The following KIAA1217 variants were observed in gnomAD, a reference collection of about 807,000 sequenced individuals.
KIAA1217 encodes the protein KIAA1217, also known as sickle tail protein homolog.
Under a neutral mutation model 163.9 loss-of-function variants are expected in KIAA1217, and 88 were observed. That is an observed-to-expected ratio of 0.54 (90% confidence interval 0.45 to 0.64). KIAA1217 has a LOEUF of 0.64. KIAA1217 is among the 30% of genes least tolerant of loss of function. KIAA1217 has a pLI of 0.00. For synonymous variants in KIAA1217, 903 were observed against 923.1 expected, an observed-to-expected ratio of 0.98 and a Z score of 0.39; for missense variants, 2,372 against 2,475.0, an observed-to-expected ratio of 0.96 and a Z score of 0.88.
chr10:24,196,273 C>T (rs938727979), intron 2 of KIAA1217, among the ~76,000 whole-genome samples: 2 of 152,320 alleles, frequency 1.3e-5, no homozygotes, highest in East Asian at 1.9e-4. Context: ...CCACCCAACG[C>T]GCAGTGTCTC....
At chr10:24,431,474 C>G (rs1302716429) in intron 3 of KIAA1217, among the ~76,000 whole-genome samples, 2 of 152,112 alleles carry the variant, frequency 1.3e-5, no homozygotes, top group African/African-American at 4.8e-5. Context: ...CTGGCATCAG[C>G]TGGGGTAGCT....
intron 1 of KIAA1217, among the ~76,000 whole-genome samples, chr10:23,707,816 A>T (rs2130726012): frequency 6.6e-6 from 1 of 152,310 alleles, no homozygotes; most frequent in African/African-American, 2.4e-5. Flanking sequence ...TCCTTCAAGA[A>T]GGAAATGTCA....
intron 2 of KIAA1217, chr10:24,158,710 G>A: frequency 2.0e-6 from 1 of 505,436 alleles, no homozygotes; most frequent in Non-Finnish European, 4.0e-6. Flanking sequence ...AGCATACAAA[G>A]ATTCTACTAG....
chr10:24,364,508 T>G (rs909993445), intron 2 of KIAA1217, among the ~76,000 whole-genome samples: 4 of 152,062 alleles, frequency 2.6e-5, no homozygotes, highest in Non-Finnish European at 4.4e-5. Context: ...TGAGAAAACT[T>G]ATGTGTGATT....
At chr10:24,048,741 A>T (rs56407148) in intron 2 of KIAA1217, among the ~76,000 whole-genome samples, 6,271 of 148,974 alleles carry the variant, frequency 0.042, 384 homozygotes, top group African/African-American at 0.14. Flanking sequence ...AAAAAAAAAA[A>T]AAATATATTG....
At chr10:23,736,435 A>G (rs979788789) in intron 1 of KIAA1217, among the ~76,000 whole-genome samples, 6 of 152,138 alleles carry the variant, frequency 3.9e-5, no homozygotes, top group Admixed American at 6.5e-5. Context: ...TGAGAGACTC[A>G]GTGTTTACAT....
At chr10:24,156,568 C>T (rs1030931780) in intron 2 of KIAA1217, among the ~76,000 whole-genome samples, 5 of 152,182 alleles carry the variant, frequency 3.3e-5, no homozygotes, top group Admixed American at 2.0e-4. Flanking sequence ...CAAGACTCAC[C>T]TGCCAACATC....
intron 2 of KIAA1217, among the ~76,000 whole-genome samples, chr10:24,367,803 G>T (rs966296374): frequency 2.0e-5 from 3 of 152,204 alleles, no homozygotes; most frequent in African/African-American, 7.2e-5. Context: ...GCAACCCTGT[G>T]GGGGAGGTAT....
intron 1 of KIAA1217, among the ~76,000 whole-genome samples, chr10:23,896,679 G>T (rs1841717744): frequency 6.6e-6 from 1 of 152,026 alleles, no homozygotes; most frequent in South Asian, 2.1e-4. Context: ...CCTAAAGGTT[G>T]GGTTAATCTC....
chr10:24,362,843 A>G (rs982956928), intron 2 of KIAA1217, among the ~76,000 whole-genome samples: 1 of 152,188 alleles, frequency 6.6e-6, no homozygotes, highest in Non-Finnish European at 1.5e-5. Context: ...TCTACTAAAA[A>G]TACAAAAATT....
chr10:24,366,948 A>G (rs2134383446), intron 2 of KIAA1217, among the ~76,000 whole-genome samples: 1 of 152,356 alleles, frequency 6.6e-6, no homozygotes, highest in Admixed American at 6.5e-5. Flanking sequence ...TTTCTAAAAT[A>G]TAAGGATGGA....
chr10:24,328,253 G>A (rs1464834856), intron 2 of KIAA1217, among the ~76,000 whole-genome samples: 1 of 152,156 alleles, frequency 6.6e-6, no homozygotes, highest in Non-Finnish European at 1.5e-5. Context: ...GGGAAGAAAT[G>A]TAACTATGTG....
At chr10:23,991,342 C>A (rs1227457478) in intron 1 of KIAA1217, among the ~76,000 whole-genome samples, 1 of 152,124 alleles carries the variant, frequency 6.6e-6, no homozygotes, top group Non-Finnish European at 1.5e-5. Flanking sequence ...TTTCACGTAG[C>A]CCATCATGTA....
At chr10:23,775,622 G>T (rs1482801757) in intron 1 of KIAA1217, among the ~76,000 whole-genome samples, 3 of 152,128 alleles carry the variant, frequency 2.0e-5, no homozygotes, top group African/African-American at 7.2e-5. Context: ...AATGGCCAAC[G>T]TTAATTATCC....
chr10:23,968,940 G>T (rs1360289533), intron 1 of KIAA1217, among the ~76,000 whole-genome samples: 3 of 152,108 alleles, frequency 2.0e-5, no homozygotes, highest in African/African-American at 7.2e-5. Flanking sequence ...ATGGATATTT[G>T]TACACAAGTT....
chr10:24,545,873 C>T lies in KIAA1217; in HGVS notation c.5381C>T (p.Ser1794Phe). Residue 1794 changes from serine to phenylalanine, a missense_variant, in exon 21 of 21, where the codon TCC (serine) becomes TTC (phenylalanine). Transcript: ENST00000376454. ...KKSGGDFKPT[S>F]PSLPASKIPA... ...TCTGGTGGGGACTTTAAGCCTACTT[C>T]CCCCTCCTTACCTGCTTCTAAGATT... 1.9e-6 allele frequency: 3 copies of T among 1,612,270 alleles called. No homozygotes were observed. Among genetic ancestry groups the T allele is most frequent in the Non-Finnish European group, 1.7e-6 (2 of 1,179,218 alleles).
intron 2 of KIAA1217, among the ~76,000 whole-genome samples, chr10:24,289,414 T>C (rs1472024245): frequency 2.0e-5 from 3 of 151,932 alleles, no homozygotes; most frequent in African/African-American, 7.3e-5. Context: ...GGTGGGTGGA[T>C]TTGCTTTTAA....
At chr10:24,536,629 G>T in intron 16 of KIAA1217, 145 bp from the exon 17 acceptor site, 1 of 705,922 alleles carries the variant, frequency 1.4e-6, no homozygotes. Flanking sequence ...TGAGGAGCAG[G>T]ATTTCAGGGT....
At chr10:24,172,129 A>T (rs2065660968) in intron 2 of KIAA1217, among the ~76,000 whole-genome samples, 1 of 152,242 alleles carries the variant, frequency 6.6e-6, no homozygotes, top group Non-Finnish European at 1.5e-5. Context: ...CACACAAGGT[A>T]GTACAGAAAA....
Sources: gnomAD v4.1 joint callset for allele counts (sites outside exome capture counted in the v4.1 genomes callset) on GRCh38, gnomAD v4.1.1 for gene constraint, MANE v1.5 for transcripts, NCBI Gene and HGNC (gene_info 2026-07-23, HGNC 2026-07-21) for gene names.